TIAM1: variants seen among roughly 807,000 people sequenced by gnomAD.
TIAM1 encodes the protein rho guanine nucleotide exchange factor TIAM1.
A neutral mutation model predicts 163.5 loss-of-function variants in TIAM1; 65 were observed. That is an observed-to-expected ratio of 0.40 (90% CI 0.33 to 0.49). TIAM1 has a LOEUF of 0.49. TIAM1 is among the 20% of genes least tolerant of loss of function. TIAM1 has a pLI of 0.77. For synonymous variants in TIAM1, 833 were observed against 810.1 expected, an observed-to-expected ratio of 1.03 and a Z score of -0.48; for missense variants, 1,789 against 2,044.7, an observed-to-expected ratio of 0.87 and a Z score of 2.41.
At chr21:31,327,188 G>A (rs566991155) in intron 2 of TIAM1, among the ~76,000 whole-genome samples, 52 of 152,288 alleles carry the variant, frequency 3.4e-4, no homozygotes, top group Non-Finnish European at 3.8e-4. Context: ...TGTGCAGGGA[G>A]GAGGAGCTTT....
chr21:31,383,585 C>G (rs2076816369), intron 2 of TIAM1, among the ~76,000 whole-genome samples: 1 of 152,190 alleles, frequency 6.6e-6, no homozygotes, highest in Admixed American at 6.5e-5. Flanking sequence ...CAACACTGTA[C>G]ACCTATCTCT....
intron 1 of TIAM1, among the ~76,000 whole-genome samples, chr21:31,541,245 CT>C (rs2048315700): frequency 6.6e-6 from 1 of 152,060 alleles, no homozygotes; most frequent in African/African-American, 2.4e-5. Flanking sequence ...TCACTTGAGG[CT>C]AGGAGTCTGA....
At chr21:31,210,693 GAAA>G (rs1569033422) in intron 10 of TIAM1, among the ~76,000 whole-genome samples, 44 of 98,288 alleles carry the variant, frequency 4.5e-4, no homozygotes, top group African/African-American at 2.3e-3. Flanking sequence ...GAAAAAGAAA[GAAA>G]GAAAGAAAGA....
chr21:31,206,429 A>G (rs1182211947), intron 11 of TIAM1, among the ~76,000 whole-genome samples: 7 of 152,234 alleles, frequency 4.6e-5, no homozygotes, highest in Non-Finnish European at 1.0e-4. Flanking sequence ...GAATATTTAA[A>G]CATAGTAATT....
At chr21:31,553,560 A>G (rs2048766257) in intron 1 of TIAM1, among the ~76,000 whole-genome samples, 1 of 152,166 alleles carries the variant, frequency 6.6e-6, no homozygotes. Flanking sequence ...CTTTCCTGCA[A>G]GAAATTATCA....
rs1294683771 is a variant in TIAM1 at position 31,140,435 on chromosome 21, T to C, written c.3774+683A>G. ...GATTCCTCTAAGTATTATTGGCATT[T>C]TGTAATTGAAAAATAATAATTGTAT... On this transcript the variant is annotated intron_variant, in intron 22 of 27. Coordinates refer to ENST00000541036, the MANE Select transcript of TIAM1 (RefSeq NM_001353694.2). 4.6e-5 allele frequency among the ~76,000 whole-genome samples: 7 copies of C among 152,224 alleles called. No individual in the cohort carries two copies. In the South Asian group the frequency reaches 1.4e-3, roughly 31 times the overall value.
chr21:31,218,908 T>C (rs1017318339), intron 8 of TIAM1, among the ~76,000 whole-genome samples: 3 of 151,950 alleles, frequency 2.0e-5, no homozygotes, highest in African/African-American at 7.2e-5. Flanking sequence ...CAGACTTGCA[T>C]CACTTACATG....
chr21:31,302,362 A>C (rs553968728), intron 2 of TIAM1, among the ~76,000 whole-genome samples: 1 of 152,308 alleles, frequency 6.6e-6, no homozygotes, highest in East Asian at 1.9e-4. Flanking sequence ...TTTTGTTTAA[A>C]AACAAAACCC....
chr21:31,213,872 A>C (rs926206122), intron 9 of TIAM1, among the ~76,000 whole-genome samples: 68 of 151,106 alleles, frequency 4.5e-4, no homozygotes, highest in African/African-American at 1.6e-3. Context: ...TCTACAAAAA[A>C]AAAAAAAAAA....
chr21:31,548,130 GTC>G (rs1358181642), intron 1 of TIAM1, among the ~76,000 whole-genome samples: 6 of 109,022 alleles, frequency 5.5e-5, no homozygotes, highest in Admixed American at 1.2e-4. Context: ...TGTTATTTGT[GTC>G]TTTTTTTTTT....
intron 2 of TIAM1, among the ~76,000 whole-genome samples, chr21:31,431,881 G>A (rs1569325809): frequency 6.6e-6 from 1 of 152,174 alleles, no homozygotes; most frequent in Non-Finnish European, 1.5e-5. Context: ...CCACCATCAT[G>A]TATGTGATCC....
intron 1 of TIAM1, among the ~76,000 whole-genome samples, chr21:31,521,894 C>T (rs893035340): frequency 6.6e-6 from 1 of 151,866 alleles, no homozygotes; most frequent in Non-Finnish European, 1.5e-5. Context: ...TTTTTGGAGA[C>T]GGAGTCTCTC....
intron 2 of TIAM1, among the ~76,000 whole-genome samples, chr21:31,385,457 A>T (rs1337295528): frequency 6.6e-6 from 1 of 152,078 alleles, no homozygotes; most frequent in Admixed American, 6.6e-5. Flanking sequence ...GTCCCAAGGC[A>T]TTTTGGGGTG....
At chr21:31,374,467 A>G (rs550919638) in intron 2 of TIAM1, among the ~76,000 whole-genome samples, 2 of 152,172 alleles carry the variant, frequency 1.3e-5, no homozygotes, top group Non-Finnish European at 2.9e-5. Context: ...ACTCTCAGCA[A>G]CTTCACACAT....
At chr21:31,235,938 T>C (rs2088728957) in intron 6 of TIAM1, among the ~76,000 whole-genome samples, 1 of 152,206 alleles carries the variant, frequency 6.6e-6, no homozygotes, top group African/African-American at 2.4e-5. Flanking sequence ...AATAGTCTCC[T>C]AAGAGGTAGG....
At chr21:31,198,691 T>C (rs1776046125) in intron 12 of TIAM1, among the ~76,000 whole-genome samples, 1 of 152,238 alleles carries the variant, frequency 6.6e-6, no homozygotes. Flanking sequence ...TGGCAGTATA[T>C]AACTGTTTGT....
intron 5 of TIAM1, among the ~76,000 whole-genome samples, chr21:31,246,779 C>T (rs930149528): frequency 6.6e-6 from 1 of 152,192 alleles, no homozygotes; most frequent in African/African-American, 2.4e-5. Context: ...AACTCTACGT[C>T]CCTCCAAACA....
At chr21:31,446,085 C>A (rs2044612367) in intron 2 of TIAM1, among the ~76,000 whole-genome samples, 2 of 152,054 alleles carry the variant, frequency 1.3e-5, no homozygotes, top group South Asian at 2.1e-4. Flanking sequence ...GCATTACAGG[C>A]ACCCGCCACC....
intron 2 of TIAM1, among the ~76,000 whole-genome samples, chr21:31,429,245 G>A (rs926319120): frequency 3.3e-5 from 5 of 152,078 alleles, no homozygotes; most frequent in Non-Finnish European, 7.4e-5. Context: ...CAAGTGATCC[G>A]CCTGCCTTGG....
Sources: allele counts gnomAD v4.1 joint callset (sites outside exome capture counted in the v4.1 genomes callset), GRCh38; gene constraint gnomAD v4.1.1; transcripts MANE v1.5; gene names NCBI Gene and HGNC (gene_info 2026-07-23, HGNC 2026-07-21).